Variants in DNHD1 observed in about 807,000 individuals in gnomAD.
DNHD1 encodes the protein dynein heavy chain domain-containing protein 1.
Under a neutral mutation model 458.1 loss-of-function variants are expected in DNHD1, and 383 were observed. The observed-to-expected ratio is 0.84, with a 90% CI of 0.77 to 0.91. DNHD1 has a LOEUF of 0.91. DNHD1 is among the 40% of genes least tolerant of loss of function. DNHD1 has a pLI of 0.00. For synonymous variants in DNHD1, 2,203 were observed against 2,376.9 expected (o/e 0.93, Z 2.13); for missense variants, 5,336 against 5,866.1 (o/e 0.91, Z 2.95).
chr11:6,498,162 G>A lies in DNHD1; in HGVS notation c.-54G>A. The A allele has an allele frequency of 4.5e-6, 7 of 1,567,054 alleles. No individual in the cohort carries two copies. The South Asian group carries it at 8.5e-5, about 19-fold the overall frequency. On this transcript the variant is annotated 5_prime_UTR_variant, in exon 3 of 43. An upstream open reading frame in the 5' UTR gains an earlier in-frame stop. Coordinates refer to ENST00000254579, the MANE Select transcript of DNHD1 (RefSeq NM_144666.3). ...TCTGGCATCCTGGAACTGGCAGTTG[G>A]AGCCTGAGCTATGGGCAAGGTCACT...
Position 6,563,924 on chromosome 11 carries a change from G to A in DNHD1, c.10084G>A (p.Ala3362Thr). 1.3e-6 allele frequency: 2 copies of A among 1,551,700 alleles called. No individual in the cohort carries two copies. The highest frequency in any genetic ancestry group is 4.9e-5 in the East Asian group (2 of 40,916). ...GGAGGCAACACTCACTCGGGAGCAG[G>A]CCCGCCTGGGCTACTACCAGTTTCA... Reference protein sequence around the residue: ...QVEATLTREQARLGYYQFQAQ... With the variant: ...QVEATLTREQTRLGYYQFQAQ... The change falls in exon 31 of 43, where the codon GCC becomes ACC. Residue 3362 changes from alanine to threonine, a missense_variant. Physicochemically the swap from Ala to Thr is moderately conservative, Grantham distance 58. Coordinates refer to ENST00000254579, the MANE Select transcript of DNHD1 (RefSeq NM_144666.3).
Position 6,546,111 on chromosome 11 carries a change from C to G in DNHD1, c.5172C>G (p.Asn1724Lys). 1 of 1,551,598 alleles carries G rather than the reference C, an allele frequency of 6.4e-7. No individual in the cohort carries two copies. The highest frequency in any genetic ancestry group is 8.7e-7 in the Non-Finnish European group (1 of 1,146,852). Residue 1724 changes from asparagine to lysine, a missense_variant, in exon 21 of 43, where the codon AAC becomes AAG. Coordinates refer to ENST00000254579, the MANE Select transcript of DNHD1 (RefSeq NM_144666.3). ...AGATAGAGGCTCAATGCCTGAGCAA[C>G]TATCTGAATGGTGCCCTGCAGGGTG... ...SPQIEAQCLS[N>K]YLNGALQGGA...
At position 6,509,252 on chromosome 11, in the gene DNHD1, T is replaced by C; in HGVS notation, c.1215T>C (p.Ala405=). 1 of 1,614,052 alleles carries C rather than the reference T, an allele frequency of 6.2e-7. No individual in the cohort carries two copies. The highest frequency in any genetic ancestry group is 8.5e-7 in the Non-Finnish European group (1 of 1,179,992). Residue 405 remains alanine, a synonymous_variant, in exon 6 of 43, where the codon GCT becomes GCC. Transcript: ENST00000254579. ...HLLLAVPHFG[A]GLLHISRLLQ... ...TCTTGGCTGTGCCCCACTTTGGAGCTGGGCTACTCCATATTAGCAGGTGAG... is the reference window on the plus strand; with the variant it reads ...TCTTGGCTGTGCCCCACTTTGGAGCCGGGCTACTCCATATTAGCAGGTGAG...
In DNHD1 at chr11:6,548,938, G is replaced by A; in HGVS notation, c.7387+5G>A. ...ACCTGCACCTAGCCACTTCTGGTGA[G>A]GAGCTGCGAAGAGGGAAGGAAGGAG... On this transcript the variant is annotated splice_donor_5th_base_variant and intron_variant, in intron 24 of 42. Transcript: ENST00000254579. The surrounding 1 kb of genome is among the most constrained non-coding windows in gnomAD (Gnocchi z 4.4). 6.4e-7 allele frequency: 1 copy of A among 1,551,120 alleles called. No homozygotes were observed. Among genetic ancestry groups the A allele is most frequent in the South Asian group, 1.2e-5 (1 of 83,992 alleles).
Position 6,568,128 on chromosome 11 carries a change from C to G in DNHD1, c.12424C>G (p.Leu4142Val). Residue 4142 changes from leucine (L) to valine (V), a missense_variant, in exon 37 of 43, where the codon CTA becomes GTA. Physicochemically the swap from Leu to Val is conservative, Grantham distance 32. This residue lies in a region of DNHD1 where 695 missense variants were observed against 804.2 expected (regional missense o/e 0.86). Coordinates refer to ENST00000254579, the MANE Select transcript of DNHD1 (RefSeq NM_144666.3). ...CCCAGTCTCAGTTGTGGTCAGCACT[C>G]TATCCCAGGCTATGTATGAGGGGCA... ...WDPVSVVVST[L>V]SQAMYEGHWL... 1.9e-6 allele frequency: 3 copies of G among 1,562,912 alleles called. No homozygotes were observed. The highest frequency in any genetic ancestry group is 2.6e-6 in the Non-Finnish European group (3 of 1,152,782).
chr11:6,517,890 A>G (rs993923839), intron 7 of DNHD1, among the ~76,000 whole-genome samples: 18 of 152,058 alleles, frequency 1.2e-4, no homozygotes, highest in Non-Finnish European at 1.5e-5. Flanking sequence ...TTTGTAGAAT[A>G]CTTTATCCTC....
At chr11:6,503,029 T>A in intron 4 of DNHD1, 103 bp downstream of exon 4, 1 of 1,268,116 alleles carries the variant, frequency 7.9e-7, no homozygotes. Flanking sequence ...CTCCCTGTCC[T>A]TTCTCCACAT....
At chr11:6,506,129 G>T (rs1487430554) in intron 4 of DNHD1, among the ~76,000 whole-genome samples, 2 of 152,174 alleles carry the variant, frequency 1.3e-5, no homozygotes, top group African/African-American at 2.4e-5. Flanking sequence ...ATTTGGTGCT[G>T]CTTTTCCCCA....
In DNHD1 at chr11:6,497,982, T is replaced by A. The variant is rs1242776085; in HGVS notation, c.-234T>A. 1.7e-6 allele frequency: 1 copy of A among 587,636 alleles called. No individual in the cohort carries two copies. The highest frequency in any genetic ancestry group is 3.0e-6 in the Non-Finnish European group (1 of 333,102). The allele number at this position is 587,636 out of a possible 1,614,324, so 36.4% of individuals were successfully genotyped here. The stretch of plus-strand genomic sequence containing the variant: ...CCTGAGGGTCTCAGGAAAGGCTCTC[T>A]GCTGGTCTGGCTCTGCTCTGTAGCT... On this transcript the variant is annotated 5_prime_UTR_variant, in exon 3 of 43. Coordinates refer to ENST00000254579, the MANE Select transcript of DNHD1 (RefSeq NM_144666.3).
intron 7 of DNHD1, among the ~76,000 whole-genome samples, chr11:6,514,004 C>T (rs990977998): frequency 2.6e-5 from 4 of 152,042 alleles, no homozygotes; most frequent in African/African-American, 4.8e-5. Flanking sequence ...CCACCACGCC[C>T]GACTAATTTT....
intron 4 of DNHD1, among the ~76,000 whole-genome samples, chr11:6,506,804 G>A (rs2134371713): frequency 6.6e-6 from 1 of 152,116 alleles, no homozygotes; most frequent in Middle Eastern, 3.4e-3. Context: ...ATCTTCTCTA[G>A]TAGAATGAGA....
intron 7 of DNHD1, among the ~76,000 whole-genome samples, chr11:6,513,649 A>G (rs1020652604): frequency 1.3e-5 from 2 of 152,220 alleles, no homozygotes; most frequent in African/African-American, 2.4e-5. Context: ...GTTTTTTACT[A>G]TTATGAATAA....
In DNHD1 at chr11:6,498,707, T is replaced by G. The variant is rs1852082083; in HGVS notation, c.492T>G (p.Ala164=). The G allele has an allele frequency of 6.2e-7, 1 of 1,614,200 alleles. No individual in the cohort carries two copies. Among genetic ancestry groups the G allele is most frequent in the East Asian group, 2.2e-5 (1 of 44,884 alleles). ...TCCATCACAGGCCCCCATGCCCAGC[T>G]TGCCCTTTTGTGCAGGCCCAGTGGA... is the stretch of plus-strand genomic sequence containing the variant. ...RRLHHRPPCP[A]CPFVQAQWSR... is the part of the protein sequence containing the mutation. Residue 164 remains alanine, a synonymous_variant, in exon 3 of 43, where the codon GCT becomes GCG. Coordinates refer to ENST00000254579, the MANE Select transcript of DNHD1 (RefSeq NM_144666.3).
At chr11:6,540,211 C>T (rs908183757) in intron 18 of DNHD1, 128 bp downstream of exon 18, 6 of 770,030 alleles carry the variant, frequency 7.8e-6, no homozygotes, top group African/African-American at 7.0e-5. Flanking sequence ...CAGCCTAAGA[C>T]ATTAGTCTGT....
chr11:6,563,194 G>A, intron 29 of DNHD1, 63 bp downstream of exon 29: 1 of 1,547,758 alleles, frequency 6.5e-7, no homozygotes, highest in Non-Finnish European at 8.7e-7. Flanking sequence ...ACCCCTCTAA[G>A]GATACCAAGA....
Position 6,571,749 on chromosome 11 carries a change from C to A in DNHD1, c.14025C>A (p.Ser4675=). ...CTGGAGCCTTGCAGGACAGTCCTTC[C>A]AGCCAACCCAGCCCTCTGCCTCCCG... ...PIAGALQDSP[S]SQPSPLPPVS... The change falls in exon 43 of 43, where the codon TCC becomes TCA. Residue 4675 remains serine, a synonymous_variant. Coordinates refer to ENST00000254579, the MANE Select transcript of DNHD1 (RefSeq NM_144666.3). This position sits in a 1 kb window ranked among gnomAD's most constrained non-coding sequence, Gnocchi z 5.0. 1 of 1,613,342 alleles carries A rather than the reference C, an allele frequency of 6.2e-7. No homozygotes were observed. Among genetic ancestry groups the A allele is most frequent in the Non-Finnish European group, 8.5e-7 (1 of 1,179,596 alleles).
In DNHD1 at chr11:6,508,980, G is replaced by A. The variant is rs368524005; in HGVS notation, c.1021G>A (p.Glu341Lys). ...ILHVHPVEGSETMTLGTWHHH... is the reference protein window; with the variant it reads ...ILHVHPVEGSKTMTLGTWHHH... ...GCATGTACATCCTGTGGAAGGTAGC[G>A]AGACGATGACACTGGGTACCTGGCA... Residue 341 changes from glutamate to lysine, a missense_variant, in exon 5 of 43, where the codon GAG becomes AAG. By Grantham distance (56) the Glu-to-Lys change is moderately conservative. Coordinates refer to ENST00000254579, the MANE Select transcript of DNHD1 (RefSeq NM_144666.3). The A allele has an allele frequency of 1.9e-5, 31 of 1,614,070 alleles. No homozygotes were observed. Among genetic ancestry groups the A allele is most frequent in the African/African-American group, 5.3e-5 (4 of 74,918 alleles).
In DNHD1 at chr11:6,505,208, A is replaced by C. The variant is rs1269629861; in HGVS notation, c.920+2282A>C. Among the ~76,000 whole-genome samples the C allele has an allele frequency of 6.6e-6, 1 of 151,658 alleles. No homozygotes were observed. The highest frequency in any genetic ancestry group is 1.5e-5 in the Non-Finnish European group (1 of 67,908). On this transcript the variant is annotated intron_variant, in intron 4 of 42. Transcript: ENST00000254579. This position sits in a 1 kb window ranked among gnomAD's most constrained non-coding sequence, Gnocchi z 4.4. ...GCTTCTAATAACCTGAACCTCTTCC[A>C]TTTGTTCCTCTAGTTCTGGAGCTGG...
At chr11:6,551,821 A>G (rs1189183434) in intron 24 of DNHD1, among the ~76,000 whole-genome samples, 3 of 152,140 alleles carry the variant, frequency 2.0e-5, no homozygotes, top group East Asian at 3.9e-4. Context: ...TGTACCTGTA[A>G]TCACAGCTAC....
Sources: gnomAD v4.1 joint callset for allele counts (sites outside exome capture counted in the v4.1 genomes callset) on GRCh38, gnomAD v4.1.1 for gene constraint, gnomAD v4.1.1 regional missense constraint, Gnocchi (gnomAD v3.1) non-coding constraint, MANE v1.5 for transcripts, NCBI Gene and HGNC (gene_info 2026-07-23, HGNC 2026-07-21) for gene names.